GPS1: variants seen among roughly 807,000 people sequenced by gnomAD.
GPS1 encodes G protein pathway suppressor 1, also known as COP9 signalosome complex subunit 1.
A neutral mutation model predicts 60.0 loss-of-function variants in GPS1; 11 were observed. The ratio of observed to expected loss-of-function variants is 0.18; its 90% CI spans 0.12 to 0.30. The LOEUF is 0.30. Ranked by LOEUF, GPS1 falls within the 10% of genes least tolerant of loss-of-function variation. The pLI is 1.00. For synonymous variants in GPS1, 343 were observed against 269.8 expected, an observed-to-expected ratio of 1.27 and a Z score of -2.66; for missense variants, 543 against 669.2, an observed-to-expected ratio of 0.81 and a Z score of 2.08.
Position 82,053,262 on chromosome 17 carries a change from C to G in GPS1, c.34-12C>G, listed in dbSNP as rs774388126. 2 of 1,529,518 alleles carry G rather than the reference C, an allele frequency of 1.3e-6. No homozygotes were observed. The highest frequency in any genetic ancestry group is 1.7e-6 in the Non-Finnish European group (2 of 1,147,786). 94.7% of individuals were successfully genotyped at this position (1,529,518 alleles called of 1,614,324 possible). Reference sequence around the variant, plus strand: ...CCAGGACGAGGTGCCAGGTGCCTGGCCCATGTTGCAGGGGGCCGTGGAGCC... The same window carrying G: ...CCAGGACGAGGTGCCAGGTGCCTGGGCCATGTTGCAGGGGGCCGTGGAGCC... On this transcript the variant is annotated splice_polypyrimidine_tract_variant and intron_variant, in intron 1 of 12. Coordinates refer to ENST00000578552, the MANE Select transcript of GPS1 (RefSeq NM_001321092.3).
chr17:82,052,399 C>T lies in GPS1; in HGVS notation c.33+435C>T, dbSNP rs542090557. ...GCAGTAGGTCAGACCTCGTCCTGCC[C>T]GGCACGGCCGGGGACTTCAGCCTGA... On this transcript the variant is annotated intron_variant, in intron 1 of 12. Transcript: ENST00000578552. The T allele has an allele frequency of 9.4e-5, 152 of 1,611,630 alleles. 2 individuals carry two copies. In the South Asian group the frequency reaches 1.1e-3, roughly 11 times the overall value.
chr17:82,051,780 C>T (rs1169310766), upstream of GPS1: 18 of 1,111,060 alleles, frequency 1.6e-5, no homozygotes, highest in Admixed American at 5.1e-5. This position sits in a 1 kb window ranked among gnomAD's most constrained non-coding sequence, Gnocchi z 4.1. Context: ...GCCGCCGGGA[C>T]CCCCGGCGCT....
Position 82,053,996 on chromosome 17 carries a change from C to T in GPS1, c.255C>T (p.Thr85=), listed in dbSNP as rs1417281285. Residue 85 remains threonine, a synonymous_variant, in exon 3 of 13, where the codon ACC becomes ACT. Coordinates refer to ENST00000578552, the MANE Select transcript of GPS1 (RefSeq NM_001321092.3). The stretch of plus-strand genomic sequence containing the variant: ...TGGCCCTCTCCTTCGTGCAGAGAAC[C>T]TTTAACGTGGACATGTACGAGGAGA... ...LKMALSFVQR[T]FNVDMYEEIH... 1.9e-6 allele frequency: 3 copies of T among 1,612,718 alleles called. No individual in the cohort carries two copies. The highest frequency in any genetic ancestry group is 1.3e-5 in the African/African-American group (1 of 74,934).
intron 8 of GPS1, 63 bp from the exon 9 acceptor site, chr17:82,056,223 C>G: frequency 7.2e-7 from 1 of 1,380,300 alleles, no homozygotes; most frequent in Non-Finnish European, 1.0e-6. Context: ...GACTGGTGTC[C>G]CACTGGCCAC....
intron 2 of GPS1, chr17:82,053,641 C>T (rs746121151): frequency 4.1e-5 from 23 of 563,766 alleles, no homozygotes; most frequent in Non-Finnish European, 6.8e-5. Flanking sequence ...CCCCGAAAGC[C>T]CCCGGGTGCA....
chr17:82,057,076 G>T lies in GPS1; in HGVS notation c.1413G>T (p.Gln471His). 1 of 1,585,548 alleles carries T rather than the reference G, an allele frequency of 6.3e-7. No homozygotes were observed. Among genetic ancestry groups the T allele is most frequent in the Non-Finnish European group, 8.6e-7 (1 of 1,163,658 alleles). Residue 471 changes from glutamine to histidine, a missense_variant, in exon 13 of 13, where the codon CAG (glutamine) becomes CAT (histidine). Coordinates refer to ENST00000578552, the MANE Select transcript of GPS1 (RefSeq NM_001321092.3). ...AGTCCCCGCCCAGAGAAGGGAGCCA[G>T]GGGGAGCTGACTCCAGCCAACAGCC... ...HVKSPPREGSQGELTPANSQS... is the reference protein window; with the variant it reads ...HVKSPPREGSHGELTPANSQS...
rs779148528 is a variant in GPS1, at chr17:82,057,177, G to A, written c.*50G>A. ...ATCTGCACCCCCTCCCCACCTCCAC[G>A]GACCTCGGACCTCCAGGCGGCTCAG... On this transcript the variant is annotated 3_prime_UTR_variant, in exon 13 of 13. Transcript: ENST00000578552. 14 of 1,574,964 alleles carry A rather than the reference G, an allele frequency of 8.9e-6. No homozygotes were observed. Among genetic ancestry groups the A allele is most frequent in the South Asian group, 2.3e-5 (2 of 86,842 alleles).
Position 82,054,069 on chromosome 17 carries a change from G to A in GPS1, c.308+20G>A, listed in dbSNP as rs377190570. 1.2e-4 allele frequency: 186 copies of A among 1,593,710 alleles called. No homozygotes were observed. The highest frequency in any genetic ancestry group is 2.9e-4 in the African/African-American group (22 of 74,582). The stretch of plus-strand genomic sequence containing the variant: ...CACCAGGTGAGGCCAGGGGCTTGGC[G>A]AGAGGAAGCAGAGGCCACCAAGGGA... On this transcript the variant is annotated intron_variant, in intron 3 of 12. Transcript: ENST00000578552.
Position 82,057,084 on chromosome 17 carries a change from T to A in GPS1, c.1421T>A (p.Leu474Gln), listed in dbSNP as rs781260119. The A allele has an allele frequency of 6.3e-7, 1 of 1,581,374 alleles. No homozygotes were observed. Among genetic ancestry groups the A allele is most frequent in the East Asian group, 2.2e-5 (1 of 44,578 alleles). Residue 474 changes from leucine to glutamine, a missense_variant, in exon 13 of 13, where the codon CTG becomes CAG. Transcript: ENST00000578552. ...SPPREGSQGELTPANSQSRMS... is the reference protein window; with the variant it reads ...SPPREGSQGEQTPANSQSRMS... Reference sequence around the variant, plus strand: ...CCCAGAGAAGGGAGCCAGGGGGAGCTGACTCCAGCCAACAGCCAGTCCCGG... The same window carrying A: ...CCCAGAGAAGGGAGCCAGGGGGAGCAGACTCCAGCCAACAGCCAGTCCCGG...
chr17:82,053,069 AC>A (rs750143810), intron 1 of GPS1: 63 of 343,396 alleles, frequency 1.8e-4, no homozygotes, highest in Admixed American at 3.5e-4. Context: ...TTGTGAGGAG[AC>A]CCCTCCCTGA....
At position 82,054,011 on chromosome 17, in the gene GPS1, G is replaced by A; in HGVS notation, c.270G>A (p.Met90Ile). The change falls in exon 3 of 13, where the codon ATG becomes ATA. Residue 90 changes from methionine (M) to isoleucine (I), a missense_variant. Coordinates refer to ENST00000578552, the MANE Select transcript of GPS1 (RefSeq NM_001321092.3). ...TGCAGAGAACCTTTAACGTGGACATGTACGAGGAGATCCACCGCAAGCTCT... is the reference window on the plus strand; with the variant it reads ...TGCAGAGAACCTTTAACGTGGACATATACGAGGAGATCCACCGCAAGCTCT... ...SFVQRTFNVDMYEEIHRKLSE... is the reference protein window; with the variant it reads ...SFVQRTFNVDIYEEIHRKLSE... 6.2e-7 allele frequency: 1 copy of A among 1,612,484 alleles called. No homozygotes were observed. Among genetic ancestry groups the A allele is most frequent in the African/African-American group, 1.3e-5 (1 of 75,058 alleles).
At chr17:82,055,891 A>C in intron 7 of GPS1, 66 bp downstream of exon 7, 1 of 1,463,582 alleles carries the variant, frequency 6.8e-7, no homozygotes, top group Admixed American at 1.9e-5. Flanking sequence ...CTTCTGTAGG[A>C]GGGTGAGGTC....
chr17:82,054,475 A>G, intron 3 of GPS1, 35 bp from the exon 4 acceptor site: 2 of 1,458,860 alleles, frequency 1.4e-6, no homozygotes, highest in Non-Finnish European at 1.8e-6. Context: ...GGCCCCCGTG[A>G]CCGCCGCCAT....
chr17:82,050,968 G>A (rs2030453700), upstream of GPS1: 1 of 1,428,774 alleles, frequency 7.0e-7, no homozygotes. Context: ...GCCATCGGTT[G>A]GGATCTCTTG....
chr17:82,056,204 T>C, intron 8 of GPS1, 82 bp from the exon 9 acceptor site: 1 of 1,366,056 alleles, frequency 7.3e-7, no homozygotes, highest in Non-Finnish European at 1.0e-6. Context: ...TCTCAGGTGT[T>C]TGTCTGGGGA....
At chr17:82,053,503 C>T in intron 2 of GPS1, 137 bp downstream of exon 2, 2 of 628,396 alleles carry the variant, frequency 3.2e-6, no homozygotes, top group Non-Finnish European at 5.0e-6. Flanking sequence ...ACCCCGAAAC[C>T]ATCAGCGTTT....
chr17:82,055,980 C>T (rs757672868), intron 7 of GPS1, 21 bp from the exon 8 acceptor site: 13 of 1,576,350 alleles, frequency 8.2e-6, no homozygotes, highest in South Asian at 5.5e-5. Flanking sequence ...CTGCCTGTGA[C>T]GCCAGGTCTC....
At chr17:82,051,731 G>T, upstream of GPS1, 1 of 1,065,178 alleles carries the variant, frequency 9.4e-7, no homozygotes, top group South Asian at 4.2e-5. The surrounding 1 kb of genome is among the most constrained non-coding windows in gnomAD (Gnocchi z 4.1). Flanking sequence ...CCAGCGCGAG[G>T]CAGGCCCGGC....
chr17:82,053,840 C>T (rs1432614036), intron 2 of GPS1, 28 bp from the exon 3 acceptor site: 1 of 1,589,528 alleles, frequency 6.3e-7, no homozygotes, highest in Admixed American at 1.7e-5. Context: ...TCCCATCCTG[C>T]CTGACTCTTG....
Sources: allele counts gnomAD v4.1 joint callset, GRCh38; gene constraint gnomAD v4.1.1; non-coding constraint Gnocchi (gnomAD v3.1); transcripts MANE v1.5; gene names NCBI Gene and HGNC (gene_info 2026-07-23, HGNC 2026-07-21).